Variants in CFLAR observed in about 807,000 individuals in gnomAD.
The protein encoded by CFLAR is CASP8 and FADD like apoptosis regulator.
Under a neutral mutation model 51.1 loss-of-function variants are expected in CFLAR, and 14 were observed. That is an observed-to-expected ratio of 0.27 (90% CI 0.18 to 0.43). The LOEUF is 0.43. CFLAR is among the 20% of genes least tolerant of loss of function. The pLI is 1.00. For missense variants in CFLAR, 390 were observed against 566.5 expected (o/e 0.69, Z 3.16); for synonymous variants, 210 against 211.6 (o/e 0.99, Z 0.06).
In CFLAR at chr2:201,138,909, C is replaced by A; in HGVS notation, c.524-1448C>A. The A allele has an allele frequency of 1.5e-6, 1 of 667,568 alleles. No individual in the cohort carries two copies. The highest frequency in any genetic ancestry group is 2.8e-6 in the Non-Finnish European group (1 of 355,282). The allele number at this position is 667,568 out of a possible 1,614,324, so 41.4% of individuals were successfully genotyped here. On this transcript the variant is annotated intron_variant, in intron 4 of 9. Coordinates refer to ENST00000309955, the MANE Select transcript of CFLAR (RefSeq NM_003879.7). This position sits in a 1 kb window ranked among gnomAD's most constrained non-coding sequence, Gnocchi z 4.0. ...CATTGGGTCAGGGCTGAGGTCAGGT[C>A]CACCTCATCAGCTATGAAGTCTATG... is the stretch of plus-strand genomic sequence containing the variant.
chr2:201,138,952 G>A lies in CFLAR; in HGVS notation c.524-1405G>A. The A allele has an allele frequency of 1.7e-6, 1 of 601,998 alleles. No homozygotes were observed. 37.3% of individuals were successfully genotyped at this position (601,998 alleles called of 1,614,324 possible). On this transcript the variant is annotated intron_variant, in intron 4 of 9. Transcript: ENST00000309955. This position sits in a 1 kb window ranked among gnomAD's most constrained non-coding sequence, Gnocchi z 4.0. ...AGTCTATGAATCCTGGGAGAATCAA[G>A]AAGTCGTTGTAGGTGAGTCCCTGGT... is the stretch of plus-strand genomic sequence containing the variant.
intron 4 of CFLAR, chr2:201,137,826 T>G: frequency 8.5e-7 from 1 of 1,174,632 alleles, no homozygotes; most frequent in Admixed American, 1.7e-5. Context: ...GCCCATGCCC[T>G]GGTACTTCTT....
intron 3 of CFLAR, among the ~76,000 whole-genome samples, chr2:201,135,220 A>G (rs1043270467): frequency 1.3e-5 from 2 of 152,194 alleles, no homozygotes; most frequent in African/African-American, 4.8e-5. Flanking sequence ...ATTGATTCAA[A>G]TATTTTGGAA....
At chr2:201,158,783 A>G (rs1379365213) in intron 8 of CFLAR, among the ~76,000 whole-genome samples, 4 of 151,960 alleles carry the variant, frequency 2.6e-5, no homozygotes, top group African/African-American at 7.2e-5. Flanking sequence ...TTGCTCTTCA[A>G]AAAGGCTGTG....
chr2:201,130,188 A>G (rs752969684), intron 2 of CFLAR, 42 bp downstream of exon 2: 5 of 1,411,792 alleles, frequency 3.5e-6, no homozygotes, highest in Non-Finnish European at 4.7e-6. Context: ...GGTGGGAGGG[A>G]GTGAAGTGTC....
intron 4 of CFLAR, 183 bp from the exon 5 acceptor site, chr2:201,140,174 C>A: frequency 1.7e-6 from 1 of 604,418 alleles, no homozygotes; most frequent in Non-Finnish European, 2.6e-6. Flanking sequence ...CCAGGGCGCC[C>A]TATACTCCAT....
At chr2:201,155,460 C>T (rs1942007479) in intron 8 of CFLAR, among the ~76,000 whole-genome samples, 1 of 151,928 alleles carries the variant, frequency 6.6e-6, no homozygotes, top group South Asian at 2.1e-4. Flanking sequence ...GATGGGGTTT[C>T]ACCATGTTGG....
At chr2:201,135,843 T>C (rs2050043367) in intron 3 of CFLAR, 129 bp from the exon 4 acceptor site, 1 of 1,296,360 alleles carries the variant, frequency 7.7e-7, no homozygotes, top group Admixed American at 2.4e-5. Context: ...CTCAGGCTGG[T>C]CTCAAACTCT....
At position 201,160,604 on chromosome 2, in the gene CFLAR, T is replaced by C. The variant is rs1469214853; in HGVS notation, c.966T>C (p.Tyr322=). Reference sequence around the variant, plus strand: ...GCCGAGGAGGCTCCCAGAGTGTGTATGGTGTGGATCAGACTCACTCAGGGC... The same window carrying C: ...GCCGAGGAGGCTCCCAGAGTGTGTACGGTGTGGATCAGACTCACTCAGGGC... ...LVSRGGSQSV[Y]GVDQTHSGLP... The change falls in exon 9 of 10, where the codon TAT becomes TAC. Residue 322 remains tyrosine, a synonymous_variant. Coordinates refer to ENST00000309955, the MANE Select transcript of CFLAR (RefSeq NM_003879.7). The C allele has an allele frequency of 2.5e-6, 4 of 1,613,834 alleles. No individual in the cohort carries two copies. The highest frequency in any genetic ancestry group is 3.4e-6 in the Non-Finnish European group (4 of 1,180,016).
intron 9 of CFLAR, chr2:201,163,167 C>G (rs1943229499): frequency 1.1e-6 from 1 of 944,838 alleles, no homozygotes; most frequent in African/African-American, 1.6e-5. Flanking sequence ...CAAGTTTTGA[C>G]AATTTGATAG....
chr2:201,139,994 T>C (rs1261086497), intron 4 of CFLAR: 2 of 287,954 alleles, frequency 6.9e-6, no homozygotes, highest in African/African-American at 2.3e-5. Flanking sequence ...CTCGACCACG[T>C]AGCCGGTGCT....
At position 201,164,719 on chromosome 2, in the gene CFLAR, T is replaced by C. The variant is rs1943377501; in HGVS notation, c.*746T>C. ...CCCGGGAACACTTTGCATCCTTCTA[T>C]TCAATCAAGTTGATACTCAGTATTA... is the stretch of plus-strand genomic sequence containing the variant. On this transcript the variant is annotated 3_prime_UTR_variant, in exon 10 of 10. Transcript: ENST00000309955. The C allele has an allele frequency of 6.6e-6, 1 of 152,232 alleles. No homozygotes were observed. The highest frequency in any genetic ancestry group is 1.5e-5 in the Non-Finnish European group (1 of 68,048). The allele number at this position is 152,232 out of a possible 1,614,324, so 9.4% of individuals were successfully genotyped here.
intron 3 of CFLAR, among the ~76,000 whole-genome samples, chr2:201,134,598 G>A (rs2049836982): frequency 6.6e-6 from 1 of 151,370 alleles, no homozygotes; most frequent in Non-Finnish European, 1.5e-5. Context: ...TTGTGCTATT[G>A]CACTCCAGCC....
intron 4 of CFLAR, chr2:201,136,689 C>T: frequency 1.2e-6 from 1 of 845,670 alleles, no homozygotes; most frequent in Admixed American, 3.0e-5. Flanking sequence ...GCATCACAGC[C>T]TAAAGGGCAT....
Position 201,141,419 on chromosome 2 carries a change from A to C in CFLAR, c.606+980A>C, listed in dbSNP as rs776376711. The C allele has an allele frequency of 2.0e-5, 31 of 1,557,940 alleles. No individual in the cohort carries two copies. The African/African-American group carries it at 2.4e-4, about 12-fold the overall frequency. ...TTGTCCTGATCTGAAAATTCTTGGAAATTGTTCCATGTGATTAACATGGAA... is the reference window on the plus strand; with the variant it reads ...TTGTCCTGATCTGAAAATTCTTGGACATTGTTCCATGTGATTAACATGGAA... On this transcript the variant is annotated intron_variant, in intron 5 of 9. Coordinates refer to ENST00000309955, the MANE Select transcript of CFLAR (RefSeq NM_003879.7).
intron 1 of CFLAR, among the ~76,000 whole-genome samples, chr2:201,127,160 A>G (rs978306703): frequency 2.0e-5 from 3 of 152,180 alleles, no homozygotes; most frequent in Non-Finnish European, 4.4e-5. Context: ...AATGAAGCTA[A>G]TGGTATCTTG....
intron 9 of CFLAR, chr2:201,162,942 G>A: frequency 1.4e-6 from 1 of 696,552 alleles, no homozygotes; most frequent in East Asian, 2.7e-5. Context: ...TACGAAGTAA[G>A]TATTAAACAT....
chr2:201,122,406 C>T (rs1348659626), intron 1 of CFLAR: 3 of 152,220 alleles, frequency 2.0e-5, no homozygotes, highest in Non-Finnish European at 4.4e-5. Context: ...TTAACTACAC[C>T]ACCAGCTCCA....
In CFLAR at chr2:201,138,901, G is replaced by C; in HGVS notation, c.524-1456G>C. 1.5e-6 allele frequency: 1 copy of C among 676,890 alleles called. No homozygotes were observed. Among genetic ancestry groups the C allele is most frequent in the Non-Finnish European group, 2.8e-6 (1 of 361,210 alleles). 41.9% of individuals were successfully genotyped at this position (676,890 alleles called of 1,614,324 possible). ...AGAGTGACCATTGGGTCAGGGCTGA[G>C]GTCAGGTCCACCTCATCAGCTATGA... On this transcript the variant is annotated intron_variant, in intron 4 of 9. Coordinates refer to ENST00000309955, the MANE Select transcript of CFLAR (RefSeq NM_003879.7). The surrounding 1 kb of genome is among the most constrained non-coding windows in gnomAD (Gnocchi z 4.0).
Sources: allele counts gnomAD v4.1 joint callset (sites outside exome capture counted in the v4.1 genomes callset), GRCh38; gene constraint gnomAD v4.1.1; non-coding constraint Gnocchi (gnomAD v3.1); transcripts MANE v1.5; gene names NCBI Gene and HGNC (gene_info 2026-07-23, HGNC 2026-07-21).